The following MYO1B variants were observed in gnomAD, a reference collection of about 807,000 sequenced individuals.
The protein encoded by MYO1B is myosin IB, also known as unconventional myosin-Ib.
A neutral mutation model predicts 159.7 loss-of-function variants in MYO1B; 72 were observed. The ratio of observed to expected loss-of-function variants is 0.45; its 90% CI spans 0.37 to 0.55. The LOEUF is 0.55. Among genes scored for constraint, MYO1B ranks in the 20% least tolerant of loss-of-function variants. The pLI, the probability that MYO1B is intolerant of heterozygous loss-of-function variation, is 0.00. For synonymous variants in MYO1B, 468 were observed against 473.8 expected, an observed-to-expected ratio of 0.99 and a Z score of 0.16; for missense variants, 1,062 against 1,364.8, an observed-to-expected ratio of 0.78 and a Z score of 3.50.
intron 1 of MYO1B, among the ~76,000 whole-genome samples, chr2:191,256,348 T>A (rs1326773700): frequency 5.3e-5 from 8 of 152,188 alleles, no homozygotes; most frequent in Non-Finnish European, 1.5e-5. Flanking sequence ...CTTCTTTGGG[T>A]TATAGTAAGG....
intron 4 of MYO1B, among the ~76,000 whole-genome samples, chr2:191,336,614 A>G (rs1436787276): frequency 6.6e-6 from 1 of 152,134 alleles, no homozygotes. Context: ...TGCAGGGCCC[A>G]TGCATTTAGT....
At chr2:191,299,392 C>T (rs1246297194) in intron 3 of MYO1B, among the ~76,000 whole-genome samples, 2 of 152,204 alleles carry the variant, frequency 1.3e-5, no homozygotes, top group Non-Finnish European at 2.9e-5. Context: ...TCATTCCCTC[C>T]CATCTTGCTT....
At chr2:191,284,093 A>G (rs772722282) in intron 2 of MYO1B, among the ~76,000 whole-genome samples, 40 of 152,228 alleles carry the variant, frequency 2.6e-4, no homozygotes, top group Non-Finnish European at 4.9e-4. Context: ...GGAGGAAAGT[A>G]TATTTCATCA....
At chr2:191,378,518 G>A (rs1301857439) in intron 13 of MYO1B, among the ~76,000 whole-genome samples, 2 of 152,128 alleles carry the variant, frequency 1.3e-5, no homozygotes, top group African/African-American at 2.4e-5. Flanking sequence ...TTAGGTTGGG[G>A]CAGAAATAAA....
chr2:191,279,005 C>A (rs1318411202), intron 2 of MYO1B, among the ~76,000 whole-genome samples: 1 of 152,152 alleles, frequency 6.6e-6, no homozygotes, highest in African/African-American at 2.4e-5. Flanking sequence ...TTGTTGTGGC[C>A]ACTAAAAATA....
At chr2:191,364,722 A>G (rs1197532929) in intron 11 of MYO1B, among the ~76,000 whole-genome samples, 3 of 152,206 alleles carry the variant, frequency 2.0e-5, no homozygotes, top group Non-Finnish European at 2.9e-5. Flanking sequence ...AAAGCGAGGG[A>G]CCTTCGAGGA....
chr2:191,285,906 C>T (rs1688337008), intron 2 of MYO1B, among the ~76,000 whole-genome samples: 1 of 151,968 alleles, frequency 6.6e-6, no homozygotes, highest in Non-Finnish European at 1.5e-5. Context: ...TCAGGGGTTC[C>T]TAGGTGAGTT....
At chr2:191,326,350 G>A (rs577936401) in intron 3 of MYO1B, among the ~76,000 whole-genome samples, 2 of 118,000 alleles carry the variant, frequency 1.7e-5, no homozygotes, top group South Asian at 5.8e-4. Context: ...AGATTGGGAG[G>A]GGGTTTGTGT....
intron 8 of MYO1B, among the ~76,000 whole-genome samples, chr2:191,361,017 T>C (rs1438984081): frequency 6.6e-6 from 1 of 152,204 alleles, no homozygotes; most frequent in African/African-American, 2.4e-5. Flanking sequence ...ATGATTCTAG[T>C]TGAAGTGAAG....
At chr2:191,408,244 A>G (rs1316938968) in intron 25 of MYO1B, 55 bp downstream of exon 25, 1 of 1,275,824 alleles carries the variant, frequency 7.8e-7, no homozygotes, top group Non-Finnish European at 1.1e-6. Flanking sequence ...TACCCACCTA[A>G]TATCACCAAC....
chr2:191,304,816 A>G (rs549313045), intron 3 of MYO1B, among the ~76,000 whole-genome samples: 2 of 152,278 alleles, frequency 1.3e-5, no homozygotes, highest in African/African-American at 2.4e-5. Context: ...TAGACCCTCA[A>G]TTAGAGTTTA....
chr2:191,309,298 C>T (rs570500953), intron 3 of MYO1B, among the ~76,000 whole-genome samples: 1 of 152,256 alleles, frequency 6.6e-6, no homozygotes, highest in South Asian at 2.1e-4. Context: ...AGTCCATCAT[C>T]AGCCTGATCA....
chr2:191,322,059 C>A (rs1167125274), intron 3 of MYO1B, among the ~76,000 whole-genome samples: 2 of 152,190 alleles, frequency 1.3e-5, no homozygotes, highest in Non-Finnish European at 2.9e-5. Context: ...TGTGAGATAA[C>A]AGCCTGCAGT....
chr2:191,362,094 A>C (rs1023556308), intron 8 of MYO1B, among the ~76,000 whole-genome samples, 174 bp from the exon 9 acceptor site: 1 of 152,222 alleles, frequency 6.6e-6, no homozygotes, highest in Non-Finnish European at 1.5e-5. Context: ...ACAGTGATTA[A>C]AGTCATTTTA....
chr2:191,378,737 G>A (rs1389384687), intron 13 of MYO1B, among the ~76,000 whole-genome samples: 1 of 152,024 alleles, frequency 6.6e-6, no homozygotes, highest in Non-Finnish European at 1.5e-5. Flanking sequence ...TTTGGGGGGT[G>A]GTATGGAGAG....
intron 13 of MYO1B, among the ~76,000 whole-genome samples, chr2:191,379,625 G>GCTAAAT (rs1694923552): frequency 6.6e-6 from 1 of 152,114 alleles, no homozygotes; most frequent in Admixed American, 6.5e-5. Context: ...TAGCATAATA[G>GCTAAAT]GGTTGAAATA....
At chr2:191,389,275 G>A (rs79430590) in intron 17 of MYO1B, among the ~76,000 whole-genome samples, 1,547 of 152,382 alleles carry the variant, frequency 0.01, 61 homozygotes, top group Admixed American at 0.076. Flanking sequence ...TTTCACAGTT[G>A]TAGTTAGGCA....
chr2:191,277,548 C>T (rs1687826408), intron 2 of MYO1B, among the ~76,000 whole-genome samples: 1 of 152,158 alleles, frequency 6.6e-6, no homozygotes, highest in Non-Finnish European at 1.5e-5. Context: ...ATGCCATATA[C>T]ATAAACAGAA....
intron 3 of MYO1B, among the ~76,000 whole-genome samples, chr2:191,320,877 G>A (rs914159480): frequency 1.3e-5 from 2 of 151,886 alleles, no homozygotes; most frequent in African/African-American, 4.8e-5. Flanking sequence ...TGTACTTGGG[G>A]TTCCAGTTCA....
Sources: gnomAD v4.1 joint callset for allele counts (sites outside exome capture counted in the v4.1 genomes callset) on GRCh38, gnomAD v4.1.1 for gene constraint, MANE v1.5 for transcripts, NCBI Gene and HGNC (gene_info 2026-07-23, HGNC 2026-07-21) for gene names.